PHKA1: variants seen among roughly 807,000 people sequenced by gnomAD.
PHKA1 encodes the protein phosphorylase kinase regulatory subunit alpha 1, also known as phosphorylase b kinase regulatory subunit alpha, skeletal muscle isoform.
In PHKA1, 60 loss-of-function variants were observed where a neutral mutation model predicts 110.2. The observed-to-expected ratio is 0.54, with a 90% confidence interval of 0.44 to 0.68. The LOEUF (loss-of-function observed/expected upper bound fraction) is 0.68. Among genes scored for constraint, PHKA1 ranks in the 30% least tolerant of loss-of-function variants. The pLI, the probability that PHKA1 is intolerant of heterozygous loss-of-function variation, is 0.00. For synonymous variants in PHKA1, 316 were observed against 333.6 expected (o/e 0.95, Z 0.58); for missense variants, 801 against 942.5 (o/e 0.85, Z 1.97).
At chrX:72,587,868 C>G (rs904932566) in intron 29 of PHKA1, among the ~76,000 whole-genome samples, 2 of 111,891 alleles carry the variant, frequency 1.8e-5, no homozygotes, top group Non-Finnish European at 3.8e-5. Context: ...GGGATCAATT[C>G]AACAAGAAGA....
intron 14 of PHKA1, among the ~76,000 whole-genome samples, chrX:72,642,350 C>A (rs1403531784): frequency 1.8e-5 from 2 of 111,371 alleles, no homozygotes; most frequent in African/African-American, 6.5e-5. Context: ...GTAAAATTAA[C>A]CTATTAACTT....
intron 21 of PHKA1, among the ~76,000 whole-genome samples, chrX:72,611,697 A>T (rs1189059623): frequency 8.9e-6 from 1 of 112,176 alleles, no homozygotes; most frequent in Non-Finnish European, 1.9e-5. Context: ...AAGGTGCTCA[A>T]CCTCACTCCT....
rs189670444 is a variant in PHKA1 at position 72,625,755 on chromosome X, T to C, written c.1793+1216A>G. Among the ~76,000 whole-genome samples the C allele has an allele frequency of 6.3e-4, 70 of 111,734 alleles. 1 individual carries two copies. Among genetic ancestry groups the C allele is most frequent in the African/African-American group, 2.2e-3 (68 of 30,716 alleles). ...ATCCTGGCTCACTGCAACTTCCGCCTCCCAGGTTCAAGAGATTCTCATGTC... is the reference window on the plus strand; with the variant it reads ...ATCCTGGCTCACTGCAACTTCCGCCCCCCAGGTTCAAGAGATTCTCATGTC... On this transcript the variant is annotated intron_variant, in intron 17 of 31. Transcript: ENST00000373542.
At chrX:72,667,006 T>G (rs1029056560) in intron 7 of PHKA1, among the ~76,000 whole-genome samples, 1 of 112,482 alleles carries the variant, frequency 8.9e-6, no homozygotes, top group Non-Finnish European at 1.9e-5. Flanking sequence ...AACAAGAGAA[T>G]GTTTCAGAAA....
intron 28 of PHKA1, among the ~76,000 whole-genome samples, chrX:72,597,963 A>C (rs2052612118): frequency 9.0e-6 from 1 of 111,694 alleles, no homozygotes; most frequent in Non-Finnish European, 1.9e-5. Context: ...GCCTTCTTAG[A>C]TATGACACCA....
chrX:72,622,499 T>C, intron 18 of PHKA1: 1 of 754,198 alleles, frequency 1.3e-6, no homozygotes, highest in South Asian at 6.8e-5. Context: ...ATTTTAACAC[T>C]GTAGGGTAGT....
In PHKA1 at chrX:72,669,134, G is replaced by A. The variant is rs1015386821; in HGVS notation, c.619-1661C>T. Among the ~76,000 whole-genome samples the A allele has an allele frequency of 2.7e-5, 3 of 111,719 alleles. No homozygotes were observed. The East Asian group carries it at 8.5e-4, about 32-fold the overall frequency. On this transcript the variant is annotated intron_variant, in intron 6 of 31. Transcript: ENST00000373542. ...ACAGCACAGGTGGCTGCTTCTATGGGTTGCAGTCTGGTATCTGAAGCTTTC... is the reference window on the plus strand; with the variant it reads ...ACAGCACAGGTGGCTGCTTCTATGGATTGCAGTCTGGTATCTGAAGCTTTC...
At chrX:72,587,109 C>T (rs968139096) in intron 29 of PHKA1, among the ~76,000 whole-genome samples, 18 of 110,199 alleles carry the variant, frequency 1.6e-4, no homozygotes, top group South Asian at 1.2e-3. Flanking sequence ...TCAAAAAGAG[C>T]AACACCAAGA....
chrX:72,671,364 G>A lies in PHKA1; in HGVS notation c.619-3891C>T, dbSNP rs782177915. 3.6e-3 allele frequency among the ~76,000 whole-genome samples: 400 copies of A among 110,534 alleles called. 1 individual carries two copies. Among genetic ancestry groups the A allele is most frequent in the African/African-American group, 0.013 (389 of 30,420 alleles). On this transcript the variant is annotated intron_variant, in intron 6 of 31. Coordinates refer to ENST00000373542, the MANE Select transcript of PHKA1 (RefSeq NM_002637.4). ...GCTTCAAAGAGAATAAAATACCTAG[G>A]AATCCAACTTACAAGGGATGTGAAG...
intron 14 of PHKA1, among the ~76,000 whole-genome samples, chrX:72,641,431 C>A (rs1410295528): frequency 1.8e-5 from 2 of 111,368 alleles, no homozygotes; most frequent in African/African-American, 6.5e-5. Context: ...TGTGGAAATG[C>A]ATCACGAGAG....
chrX:72,622,964 G>A, intron 18 of PHKA1, 145 bp downstream of exon 18: 4 of 1,107,841 alleles, frequency 3.6e-6, no homozygotes, highest in Non-Finnish European at 4.7e-6. Flanking sequence ...GTAGAGGGAG[G>A]AAAAGTAAAG....
rs145811872 is a variant in PHKA1, at chrX:72,584,628, C to T, written c.3244-326G>A. On this transcript the variant is annotated intron_variant, in intron 29 of 31. Coordinates refer to ENST00000373542, the MANE Select transcript of PHKA1 (RefSeq NM_002637.4). ...TATCTGGAAAGATATCATACTAGGT[C>T]GCACGGCCATCACAAACAGGCCTTA... is the stretch of plus-strand genomic sequence containing the variant. 8.3e-3 allele frequency among the ~76,000 whole-genome samples: 920 copies of T among 111,499 alleles called. 15 individuals carry two copies. The highest frequency in any genetic ancestry group is 0.028 in the African/African-American group (874 of 30,682).
chrX:72,596,952 A>G (rs1434246585), intron 28 of PHKA1, among the ~76,000 whole-genome samples: 1 of 112,476 alleles, frequency 8.9e-6, no homozygotes, highest in Non-Finnish European at 1.9e-5. Context: ...GTTCAAAAAT[A>G]AACCATTATA....
rs982602262 is a variant in PHKA1 at position 72,644,570 on chromosome X, A to G, written c.1325-74T>C. 4 of 965,495 alleles carry G rather than the reference A, an allele frequency of 4.1e-6. No homozygotes were observed. In the African/African-American group the frequency reaches 7.7e-5, roughly 19 times the overall value. The allele number at this position is 965,495 out of a possible 1,213,427, so 79.6% of individuals were successfully genotyped here. ...GCAACTTAACAATCTCTCAAGTTAT[A>G]TAATTTCTTTTAAAGAGAAAAAAAG... On this transcript the variant is annotated intron_variant, in intron 13 of 31. Transcript: ENST00000373542.
At chrX:72,643,840 T>C (rs782152587) in intron 14 of PHKA1, among the ~76,000 whole-genome samples, 19 of 111,861 alleles carry the variant, frequency 1.7e-4, no homozygotes, top group African/African-American at 5.8e-4. Flanking sequence ...AAGAGTAGTT[T>C]AGAATTTCTT....
At chrX:72,660,615 CA>C in intron 8 of PHKA1, 1 of 364,032 alleles carries the variant, frequency 2.7e-6, no homozygotes, top group Non-Finnish European at 5.3e-6. Context: ...CTCTTTTATA[CA>C]AAAGAAGTTG....
At chrX:72,615,597 T>C (rs782439693) in intron 21 of PHKA1, among the ~76,000 whole-genome samples, 2 of 108,395 alleles carry the variant, frequency 1.8e-5, no homozygotes, top group South Asian at 4.1e-4. Context: ...CAAAAACATA[T>C]AATAGATATG....
At chrX:72,633,645 T>G (rs974316648) in intron 16 of PHKA1, among the ~76,000 whole-genome samples, 3 of 111,460 alleles carry the variant, frequency 2.7e-5, no homozygotes, top group African/African-American at 6.5e-5. Flanking sequence ...TCCAGTGTAC[T>G]TTCTCTTCAC....
At chrX:72,712,709 A>G in intron 2 of PHKA1, 70 bp downstream of exon 2, 1 of 1,018,530 alleles carries the variant, frequency 9.8e-7, no homozygotes, top group Non-Finnish European at 1.4e-6. Flanking sequence ...CACTTCCTTC[A>G]GTCCCCACTC....
Sources: allele counts gnomAD v4.1 joint callset (sites outside exome capture counted in the v4.1 genomes callset), GRCh38; gene constraint gnomAD v4.1.1; transcripts MANE v1.5; gene names NCBI Gene and HGNC (gene_info 2026-07-23, HGNC 2026-07-21).